Variants in DENND5A observed in about 807,000 individuals in gnomAD.
DENND5A encodes the protein DENN domain containing 5A.
A neutral mutation model predicts 140.3 loss-of-function variants in DENND5A; 64 were observed. The observed-to-expected ratio is 0.46, with a 90% CI of 0.37 to 0.56. The LOEUF is 0.56. Ranked by LOEUF, DENND5A falls within the 20% of genes least tolerant of loss-of-function variation. DENND5A has a pLI of 0.00. For synonymous variants in DENND5A, 605 were observed against 607.7 expected (o/e 1.00, Z 0.07); for missense variants, 1,292 against 1,593.8 (o/e 0.81, Z 3.22).
intron 1 of DENND5A, among the ~76,000 whole-genome samples, chr11:9,237,228 C>T (rs910662471): frequency 6.6e-6 from 1 of 152,120 alleles, no homozygotes; most frequent in Non-Finnish European, 1.5e-5. Flanking sequence ...ACCAGCCTGA[C>T]CAACATGGTA....
At chr11:9,241,594 G>A (rs1477063638) in intron 1 of DENND5A, among the ~76,000 whole-genome samples, 4 of 152,062 alleles carry the variant, frequency 2.6e-5, no homozygotes, top group East Asian at 1.9e-4. Flanking sequence ...TATGGCCCTC[G>A]CACAGGCTCT....
chr11:9,250,791 T>C (rs1316792548), intron 1 of DENND5A, among the ~76,000 whole-genome samples: 1 of 152,194 alleles, frequency 6.6e-6, no homozygotes, highest in Non-Finnish European at 1.5e-5. Flanking sequence ...CTGTGACCAA[T>C]ATAAACCAAT....
intron 22 of DENND5A, 50 bp from the exon 23 acceptor site, chr11:9,139,904 AAG>A (rs1250613224): frequency 6.3e-7 from 1 of 1,575,752 alleles, no homozygotes; most frequent in African/African-American, 1.3e-5. Flanking sequence ...AAGGAAAAGG[AAG>A]AGAGAGCGTT....
At chr11:9,205,869 C>T (rs1849677422) in intron 3 of DENND5A, among the ~76,000 whole-genome samples, 1 of 152,198 alleles carries the variant, frequency 6.6e-6, no homozygotes, top group Non-Finnish European at 1.5e-5. Context: ...TGCTCTCCAA[C>T]AGCCTGGGTG....
chr11:9,259,702 C>T (rs995955552), intron 1 of DENND5A, among the ~76,000 whole-genome samples: 1 of 152,104 alleles, frequency 6.6e-6, no homozygotes, highest in Non-Finnish European at 1.5e-5. Context: ...AGCCACTGTA[C>T]CAGGACCCTC....
At chr11:9,257,880 C>T (rs1229965332) in intron 1 of DENND5A, among the ~76,000 whole-genome samples, 1 of 151,776 alleles carries the variant, frequency 6.6e-6, no homozygotes, top group African/African-American at 2.4e-5. Context: ...GCAGCCTCCG[C>T]CTCCCAGATT....
intron 5 of DENND5A, among the ~76,000 whole-genome samples, chr11:9,182,752 C>A (rs1019570498): frequency 6.6e-6 from 1 of 152,084 alleles, no homozygotes; most frequent in African/African-American, 2.4e-5. Context: ...TTACCAGAGA[C>A]TGGGAAGGGT....
chr11:9,169,732 C>A, intron 10 of DENND5A, 124 bp downstream of exon 10: 1 of 647,702 alleles, frequency 1.5e-6, no homozygotes, highest in Non-Finnish European at 2.8e-6. Flanking sequence ...TATTATTAAC[C>A]CTTCTTTATG....
At chr11:9,252,483 C>T (rs1851771843) in intron 1 of DENND5A, among the ~76,000 whole-genome samples, 1 of 151,764 alleles carries the variant, frequency 6.6e-6, no homozygotes, top group Non-Finnish European at 1.5e-5. Context: ...AGCGTCTTTA[C>T]CAAAAATACA....
At chr11:9,243,750 G>A (rs922198127) in intron 1 of DENND5A, among the ~76,000 whole-genome samples, 1 of 152,100 alleles carries the variant, frequency 6.6e-6, no homozygotes, top group African/African-American at 2.4e-5. Context: ...GCCGGGCGTG[G>A]TGGTGGGTGC....
chr11:9,178,807 TA>T, intron 7 of DENND5A, 50 bp downstream of exon 7: 1 of 1,453,762 alleles, frequency 6.9e-7, no homozygotes, highest in East Asian at 2.3e-5. Context: ...CTTCAAGACA[TA>T]ACTGGCAAGT....
chr11:9,170,840 C>A (rs1207670000), intron 8 of DENND5A, 63 bp from the exon 9 acceptor site: 10 of 1,582,718 alleles, frequency 6.3e-6, no homozygotes, highest in Non-Finnish European at 2.6e-6. Flanking sequence ...ACAAATAAAT[C>A]AAGTCAAACA....
At position 9,178,377 on chromosome 11, in the gene DENND5A, C is replaced by T; in HGVS notation, c.1672-11G>A. On this transcript the variant is annotated splice_polypyrimidine_tract_variant and intron_variant, in intron 7 of 22. Coordinates refer to ENST00000328194, the MANE Select transcript of DENND5A (RefSeq NM_015213.4). ...TGACAGAAAAGATGCCTGGTGGGAC[C>T]AAAAAGAAGCAGTAATTGACAGGGA... The T allele has an allele frequency of 6.5e-7, 1 of 1,526,774 alleles. No individual in the cohort carries two copies. The highest frequency in any genetic ancestry group is 9.1e-7 in the Non-Finnish European group (1 of 1,102,488). The allele number at this position is 1,526,774 out of a possible 1,614,324, so 94.6% of individuals were successfully genotyped here.
chr11:9,191,809 AT>A (rs1849136519), intron 5 of DENND5A, among the ~76,000 whole-genome samples: 1 of 152,142 alleles, frequency 6.6e-6, no homozygotes, highest in Admixed American at 6.6e-5. Context: ...ACCTTCAACA[AT>A]TTTTTGTTAT....
chr11:9,218,814 T>C (rs1335925619), intron 1 of DENND5A, among the ~76,000 whole-genome samples: 1 of 152,086 alleles, frequency 6.6e-6, no homozygotes, highest in Non-Finnish European at 1.5e-5. Context: ...AAGACCAAGC[T>C]AGCCAACATG....
intron 1 of DENND5A, among the ~76,000 whole-genome samples, chr11:9,238,676 A>T (rs1590321384): frequency 6.6e-6 from 1 of 152,046 alleles, no homozygotes; most frequent in African/African-American, 2.4e-5. Context: ...GGCCTCCCAA[A>T]GTGCTGAGAT....
chr11:9,220,824 C>A (rs1287039604), intron 1 of DENND5A, among the ~76,000 whole-genome samples: 4 of 151,636 alleles, frequency 2.6e-5, no homozygotes, highest in Non-Finnish European at 4.4e-5. Context: ...ACCTGGGAGG[C>A]AGAGGTTGCA....
chr11:9,246,470 G>C (rs1851475405), intron 1 of DENND5A, among the ~76,000 whole-genome samples: 1 of 152,008 alleles, frequency 6.6e-6, no homozygotes, highest in Non-Finnish European at 1.5e-5. Context: ...AAATCAGCCA[G>C]GTGTGGTGGC....
In DENND5A at chr11:9,178,194, T is replaced by C. The variant is rs1485510365; in HGVS notation, c.1844A>G (p.Asn615Ser). The change falls in exon 8 of 23, where the codon AAT becomes AGT. Residue 615 changes from asparagine (N) to serine (S), a missense_variant. By Grantham distance (46) the Asn-to-Ser change is conservative (BLOSUM62 1). This residue lies in a region of DENND5A where 199 missense variants were observed against 189.1 expected (regional missense o/e 1.05). Transcript: ENST00000328194. Reference protein sequence around the residue: ...DSRVDKIRLLNVRTPTLRTSM... With the variant: ...DSRVDKIRLLSVRTPTLRTSM... ...TGTACGGAGAGTAGGTGTCCGAACA[T>C]TCAACAGCCTGATCTTGTCAACTCG... is the stretch of plus-strand genomic sequence containing the variant. 1.2e-6 allele frequency: 2 copies of C among 1,614,188 alleles called. No individual in the cohort carries two copies. The highest frequency in any genetic ancestry group is 1.7e-6 in the Non-Finnish European group (2 of 1,180,018).
Sources: allele counts gnomAD v4.1 joint callset (sites outside exome capture counted in the v4.1 genomes callset), GRCh38; gene constraint gnomAD v4.1.1; regional missense constraint gnomAD v4.1.1; transcripts MANE v1.5; gene names NCBI Gene and HGNC (gene_info 2026-07-23, HGNC 2026-07-21).